MARCHF6: variants seen among roughly 807,000 people sequenced by gnomAD.
MARCHF6 encodes the protein membrane associated ring-CH-type finger 6, also known as E3 ubiquitin-protein ligase MARCHF6.
MARCHF6 carries 31 observed loss-of-function variants against 133.7 expected under a neutral mutation model. The observed-to-expected ratio is 0.23, with a 90% CI of 0.17 to 0.31. The LOEUF (loss-of-function observed/expected upper bound fraction) is 0.31, where lower values mean the gene tolerates loss of function less well. Among genes scored for constraint, MARCHF6 ranks in the 10% least tolerant of loss-of-function variants. The probability of loss-of-function intolerance (pLI) is 1.00; values close to 1 mark genes in which losing one functional copy is unlikely to be tolerated. For missense variants in MARCHF6, 723 were observed against 1,121.6 expected (o/e 0.64, Z 5.08); for synonymous variants, 395 against 402.5 (o/e 0.98, Z 0.22).
At chr5:10,371,062 T>C (rs1736436046) in intron 1 of MARCHF6, among the ~76,000 whole-genome samples, 1 of 152,208 alleles carries the variant, frequency 6.6e-6, no homozygotes, top group Non-Finnish European at 1.5e-5. Context: ...TAGTTTTTAA[T>C]CCTCATTTGG....
chr5:10,429,642 C>T (rs1740269951), intron 24 of MARCHF6, among the ~76,000 whole-genome samples: 1 of 152,128 alleles, frequency 6.6e-6, no homozygotes. Context: ...CTCAAGTGAT[C>T]CGCCCGCCTT....
chr5:10,374,663 T>C (rs1736667305), intron 1 of MARCHF6, among the ~76,000 whole-genome samples: 1 of 152,200 alleles, frequency 6.6e-6, no homozygotes, highest in South Asian at 2.1e-4. Context: ...ATGTTTTCAT[T>C]AACCAAGAAT....
At position 10,435,671 on chromosome 5, in the gene MARCHF6, A is replaced by AAC. The variant is rs1561159532; in HGVS notation, c.*1987_*1988insAC. 8.0e-4 allele frequency: 5 copies of AAC among 6,244 alleles called. No homozygotes were observed. In the East Asian group the frequency reaches 0.026, roughly 33 times the overall value. The allele number at this position is 6,244 out of a possible 1,614,324, so 0.4% of individuals were successfully genotyped here. A position where few individuals can be genotyped will look rare whatever the true frequency, so the allele number is the denominator to read the frequency against. On this transcript the variant is annotated 3_prime_UTR_variant, in exon 26 of 26. Transcript: ENST00000274140. The stretch of plus-strand genomic sequence containing the variant: ...TATATATATATATATATATATATAT[A>AAC]TATATATATATATATATATATATAT...
At position 10,381,807 on chromosome 5, in the gene MARCHF6, T is replaced by C. The variant is rs1737169694; in HGVS notation, c.198T>C (p.Ser66=). 6.3e-7 allele frequency: 1 copy of C among 1,598,940 alleles called. No individual in the cohort carries two copies. ...KHRFAFTPIY[S]PDMPSRLPIQ... ...CTTTTTTTCCGCTTATAGTTTATTC[T>C]CCAGATATGCCTTCACGGCTTCCAA... Residue 66 remains serine (S), a synonymous_variant, in exon 4 of 26, where the codon TCT becomes TCC. Coordinates refer to ENST00000274140, the MANE Select transcript of MARCHF6 (RefSeq NM_005885.4).
chr5:10,364,206 G>T (rs991549718), intron 1 of MARCHF6, among the ~76,000 whole-genome samples: 1 of 152,184 alleles, frequency 6.6e-6, no homozygotes, highest in Admixed American at 6.5e-5. Flanking sequence ...TTGTAAGGAG[G>T]TAGAGCAGTT....
intron 1 of MARCHF6, among the ~76,000 whole-genome samples, chr5:10,359,806 A>C (rs977081760): frequency 9.9e-5 from 15 of 152,060 alleles, no homozygotes; most frequent in African/African-American, 3.6e-4. Context: ...GGAGTTCGAG[A>C]CCAGCCTGGA....
rs1251999020 is a variant in MARCHF6, at chr5:10,410,253, G to T, written c.1668G>T (p.Trp556Cys). ...GGCTGAAGGGGCTGGTGCGAGCGTGGACTGTGACCGCCGGATACTTGCTGT... is the reference window on the plus strand; with the variant it reads ...GGCTGAAGGGGCTGGTGCGAGCGTGTACTGTGACCGCCGGATACTTGCTGT... ...RQWLKGLVRA[W>C]TVTAGYLLDL... The change falls in exon 18 of 26, where the codon TGG becomes TGT. Residue 556 changes from tryptophan (W) to cysteine (C), a missense_variant. By Grantham distance (215) the Trp-to-Cys change is radical. Coordinates refer to ENST00000274140, the MANE Select transcript of MARCHF6 (RefSeq NM_005885.4). The T allele has an allele frequency of 1.2e-6, 2 of 1,613,040 alleles. No homozygotes were observed. Among genetic ancestry groups the T allele is most frequent in the Non-Finnish European group, 1.7e-6 (2 of 1,180,008 alleles).
chr5:10,403,715 T>G (rs926169363), intron 15 of MARCHF6, among the ~76,000 whole-genome samples, 174 bp downstream of exon 15: 2 of 152,242 alleles, frequency 1.3e-5, no homozygotes, highest in South Asian at 2.1e-4. Context: ...TTAAACTGTT[T>G]CAGTTGTTTG....
chr5:10,386,675 C>CT (rs2126717436), intron 4 of MARCHF6, among the ~76,000 whole-genome samples: 1 of 152,074 alleles, frequency 6.6e-6, no homozygotes, highest in East Asian at 1.9e-4. Flanking sequence ...TTAAAAAATT[C>CT]TTTATATTAT....
At chr5:10,356,584 T>A (rs887109868) in intron 1 of MARCHF6, among the ~76,000 whole-genome samples, 4 of 151,850 alleles carry the variant, frequency 2.6e-5, no homozygotes, top group African/African-American at 7.3e-5. Flanking sequence ...TTAGTAGAGA[T>A]GGGGTTTCGC....
At chr5:10,399,707 A>C (rs915376634) in intron 10 of MARCHF6, among the ~76,000 whole-genome samples, 1 of 152,200 alleles carries the variant, frequency 6.6e-6, no homozygotes, top group Admixed American at 6.5e-5. Flanking sequence ...TGTCCCTTAC[A>C]TACCATTTTG....
intron 14 of MARCHF6, 90 bp from the exon 15 acceptor site, chr5:10,403,317 T>A: frequency 1.6e-6 from 2 of 1,272,190 alleles, no homozygotes; most frequent in South Asian, 2.8e-5. Context: ...CTTGCATGCA[T>A]ATTGATTATT....
chr5:10,376,444 G>C (rs1399594298), intron 1 of MARCHF6, among the ~76,000 whole-genome samples: 1 of 152,216 alleles, frequency 6.6e-6, no homozygotes, highest in African/African-American at 2.4e-5. Context: ...GACACCTTAA[G>C]AGCTGTAACA....
At chr5:10,402,339 A>ATAC (rs1322219776) in intron 12 of MARCHF6, 45 bp from the exon 13 acceptor site, 2 of 1,524,346 alleles carry the variant, frequency 1.3e-6, no homozygotes, top group African/African-American at 2.7e-5. Flanking sequence ...TACCTGTTTC[A>ATAC]TTGTACCTTT....
chr5:10,397,213 A>T (rs964724763), intron 9 of MARCHF6, 80 bp from the exon 10 acceptor site: 38 of 1,028,408 alleles, frequency 3.7e-5, no homozygotes, highest in Non-Finnish European at 8.4e-6. Flanking sequence ...ATTTGGCTCT[A>T]GCTAAATAAG....
chr5:10,431,649 GT>G (rs1357461979), intron 25 of MARCHF6, among the ~76,000 whole-genome samples: 1 of 151,666 alleles, frequency 6.6e-6, no homozygotes, highest in Non-Finnish European at 1.5e-5. Flanking sequence ...GTGTGTGTGT[GT>G]GAGAGTGTAT....
Position 10,439,353 on chromosome 5 carries a change from A to G in MARCHF6, c.*5669A>G, listed in dbSNP as rs1011793702. The G allele has an allele frequency of 4.6e-5, 7 of 152,270 alleles. No homozygotes were observed. The highest frequency in any genetic ancestry group is 2.1e-4 in the South Asian group (1 of 4,832). 9.4% of individuals were successfully genotyped at this position (152,270 alleles called of 1,614,324 possible). A position where few individuals can be genotyped will look rare whatever the true frequency, so the allele number is the denominator to read the frequency against. On this transcript the variant is annotated 3_prime_UTR_variant, in exon 26 of 26. Transcript: ENST00000274140. ...AAAACTGTATAATTTCTAGAAGACA[A>G]CAAGGAAAACGTGTTCAGCCTTGGG...
chr5:10,366,164 T>C (rs1420065084), intron 1 of MARCHF6, among the ~76,000 whole-genome samples: 1 of 152,074 alleles, frequency 6.6e-6, no homozygotes, highest in Non-Finnish European at 1.5e-5. Flanking sequence ...ACTTCTGGAC[T>C]CAAGTGATCC....
At chr5:10,368,817 C>T (rs560439567) in intron 1 of MARCHF6, among the ~76,000 whole-genome samples, 11 of 152,268 alleles carry the variant, frequency 7.2e-5, no homozygotes, top group African/African-American at 2.6e-4. Flanking sequence ...AAGCAGTCTG[C>T]CCACCATGGC....
Sources: gnomAD v4.1 joint callset for allele counts (sites outside exome capture counted in the v4.1 genomes callset) on GRCh38, gnomAD v4.1.1 for gene constraint, MANE v1.5 for transcripts, NCBI Gene and HGNC (gene_info 2026-07-23, HGNC 2026-07-21) for gene names.